Variants in MAP4K5 observed in about 807,000 individuals in gnomAD.
MAP4K5 encodes the protein MAPK/ERK kinase kinase kinase 5.
A neutral mutation model predicts 135.6 loss-of-function variants in MAP4K5; 82 were observed. The ratio of observed to expected loss-of-function variants is 0.60; its 90% CI spans 0.51 to 0.73. The LOEUF is 0.73. MAP4K5 is among the 30% of genes least tolerant of loss of function. The pLI, the probability that MAP4K5 is intolerant of heterozygous loss-of-function variation, is 0.00. For missense variants in MAP4K5, 907 were observed against 1,010.9 expected, an observed-to-expected ratio of 0.90 and a Z score of 1.39; for synonymous variants, 347 against 335.0, an observed-to-expected ratio of 1.04 and a Z score of -0.39.
chr14:50,523,379 G>A (rs1185606206), intron 2 of MAP4K5, among the ~76,000 whole-genome samples: 1 of 152,104 alleles, frequency 6.6e-6, no homozygotes, highest in Non-Finnish European at 1.5e-5. Flanking sequence ...AATAAGGCAT[G>A]GTGATGGCCA....
At position 50,511,852 on chromosome 14, in the gene MAP4K5, G is replaced by A. The variant is rs114192454; in HGVS notation, c.109-6995C>T. On this transcript the variant is annotated intron_variant, in intron 2 of 32. Coordinates refer to ENST00000682126, the MANE Select transcript of MAP4K5 (RefSeq NM_006575.6). ...ACATTCCGAAAAAGGCAAAACTACA[G>A]AGACAGTAAAAAGCAATGGTTGTCT... is the stretch of plus-strand genomic sequence containing the variant. 7.0e-3 allele frequency among the ~76,000 whole-genome samples: 1,062 copies of A among 152,222 alleles called. 23 individuals carry two copies. Among genetic ancestry groups the A allele is most frequent in the African/African-American group, 0.025 (1,034 of 41,542 alleles).
chr14:50,456,959 T>C (rs1395118957), intron 13 of MAP4K5, among the ~76,000 whole-genome samples: 1 of 152,206 alleles, frequency 6.6e-6, no homozygotes, highest in Non-Finnish European at 1.5e-5. Flanking sequence ...TGAAGGGGTA[T>C]AGTTCTTCAT....
At chr14:50,425,043 A>C (rs1008123245) in intron 31 of MAP4K5, among the ~76,000 whole-genome samples, 2 of 152,252 alleles carry the variant, frequency 1.3e-5, no homozygotes, top group Non-Finnish European at 2.9e-5. Flanking sequence ...AAGAGTGTGG[A>C]TAAAACTAAA....
intron 2 of MAP4K5, among the ~76,000 whole-genome samples, chr14:50,526,972 T>C (rs770594419): frequency 1.9e-4 from 29 of 151,882 alleles, no homozygotes; most frequent in Non-Finnish European, 3.5e-4. Context: ...AAAAAAAAAG[T>C]TTAAAAACTA....
At chr14:50,453,272 C>CAAAAAAA (rs750792572) in intron 14 of MAP4K5, among the ~76,000 whole-genome samples, 1 of 105,804 alleles carries the variant, frequency 9.5e-6, no homozygotes, top group African/African-American at 3.5e-5. Flanking sequence ...GATGACAAAC[C>CAAAAAAA]AAAAAAAAAA....
chr14:50,475,703 T>C lies in MAP4K5; in HGVS notation c.469+425A>G, dbSNP rs553151253. Among the ~76,000 whole-genome samples, 5 of 152,278 alleles carry C rather than the reference T, an allele frequency of 3.3e-5. No homozygotes were observed. The South Asian group carries it at 8.3e-4, about 25-fold the overall frequency. On this transcript the variant is annotated intron_variant, in intron 8 of 32. Coordinates refer to ENST00000682126, the MANE Select transcript of MAP4K5 (RefSeq NM_006575.6). The stretch of plus-strand genomic sequence containing the variant: ...GCCTGAATGACAGAGTGAGACCATC[T>C]CCTTCAAAACAAACAAAATAACACA...
rs866232978 is a variant in MAP4K5 at position 50,452,212 on chromosome 14, C to T, written c.1016-3380G>A. Among the ~76,000 whole-genome samples, 39 of 152,216 alleles carry T rather than the reference C, an allele frequency of 2.6e-4. No homozygotes were observed. The Middle Eastern group carries it at 0.01, about 40-fold the overall frequency. ...CTTAAATGGGTTTATTAGGATGTAA[C>T]CCCATCATAAATCGGGGAGCATCTG... is the stretch of plus-strand genomic sequence containing the variant. On this transcript the variant is annotated intron_variant, in intron 14 of 32. Transcript: ENST00000682126.
At chr14:50,546,130 CTG>C (rs1183870634) in intron 1 of MAP4K5, among the ~76,000 whole-genome samples, 1 of 151,692 alleles carries the variant, frequency 6.6e-6, no homozygotes, top group Non-Finnish European at 1.5e-5. Flanking sequence ...TCATTTGAAA[CTG>C]AAGAAAAAAA....
upstream of MAP4K5, among the ~76,000 whole-genome samples, chr14:50,535,973 C>T (rs888911656): frequency 5.3e-5 from 8 of 152,226 alleles, no homozygotes; most frequent in African/African-American, 1.7e-4. Flanking sequence ...TTCCCCTGCA[C>T]AAGCTCCCTC....
intron 2 of MAP4K5, among the ~76,000 whole-genome samples, chr14:50,540,457 A>G (rs1419597710): frequency 6.6e-6 from 1 of 152,160 alleles, no homozygotes; most frequent in Admixed American, 6.5e-5. Context: ...TCTTTGAGGG[A>G]GAGTCCCATA....
chr14:50,437,407 G>A (rs1405282335), intron 26 of MAP4K5, 69 bp downstream of exon 26: 70 of 1,211,636 alleles, frequency 5.8e-5, no homozygotes, highest in Non-Finnish European at 6.2e-5. Context: ...GATTCCATAC[G>A]ACTCTTCAGA....
chr14:50,455,995 C>A (rs1482134128), intron 14 of MAP4K5, among the ~76,000 whole-genome samples: 1 of 152,034 alleles, frequency 6.6e-6, no homozygotes, highest in Non-Finnish European at 1.5e-5. Flanking sequence ...TAGTGCTAAT[C>A]TGATTTTTAA....
In MAP4K5 at chr14:50,553,680, T is replaced by A. The variant is rs1389209713; in HGVS notation, c.-180+7360A>T. The stretch of plus-strand genomic sequence containing the variant: ...TGTTTGTAGCAGCACAATTCACAAT[T>A]ACAAAGATATGGAACCAAGCTAAAT... On this transcript the variant is annotated intron_variant, in intron 1 of 8. Coordinates refer to the MAP4K5 transcript ENST00000555216. Among the ~76,000 whole-genome samples, 3 of 152,202 alleles carry A rather than the reference T, an allele frequency of 2.0e-5. No homozygotes were observed. The East Asian group carries it at 5.8e-4, about 29-fold the overall frequency.
intron 20 of MAP4K5, 63 bp from the exon 21 acceptor site, chr14:50,442,879 A>G: frequency 1.1e-6 from 1 of 915,956 alleles, no homozygotes; most frequent in Non-Finnish European, 1.7e-6. Context: ...TTCTTGGAAA[A>G]TAACTAACAT....
Position 50,428,348 on chromosome 14 carries a change from C to T in MAP4K5, c.2326+314G>A, listed in dbSNP as rs536075546. On this transcript the variant is annotated intron_variant, in intron 30 of 32. Transcript: ENST00000682126. ...TCAGCTCACTGCAACCTCCGCCTCG[C>T]GGGTTCAAGCGATTCTCCTGCCTCA... is the stretch of plus-strand genomic sequence containing the variant. Among the ~76,000 whole-genome samples, 49 of 152,098 alleles carry T rather than the reference C, an allele frequency of 3.2e-4. 1 individual carries two copies. The highest frequency in any genetic ancestry group is 4.7e-4 in the Non-Finnish European group (32 of 67,998).
chr14:50,446,086 G>A lies in MAP4K5; in HGVS notation c.1178C>T (p.Pro393Leu). ...AATCATTAAGTAGCTCACCTTAGGA[G>A]GTAGGGGAGGTGGTATTGCACGTTT... ...TSKRAIPPPLPPKPRISSYPE... is the reference protein window; with the variant it reads ...TSKRAIPPPLLPKPRISSYPE... Residue 393 changes from proline to leucine, a missense_variant, in exon 17 of 33, where the codon CCT becomes CTT. Pro to Leu is a moderately conservative substitution (Grantham distance 98). Coordinates refer to ENST00000682126, the MANE Select transcript of MAP4K5 (RefSeq NM_006575.6). 1.3e-6 allele frequency: 2 copies of A among 1,565,954 alleles called. No individual in the cohort carries two copies. The highest frequency in any genetic ancestry group is 1.9e-5 in the Admixed American group (1 of 53,408).
chr14:50,515,955 T>G (rs1426920007), intron 2 of MAP4K5, among the ~76,000 whole-genome samples: 1 of 152,166 alleles, frequency 6.6e-6, no homozygotes, highest in Non-Finnish European at 1.5e-5. Context: ...ATTATCCCTC[T>G]CCCACAAACT....
At chr14:50,504,657 T>C in intron 3 of MAP4K5, 143 bp downstream of exon 3, 2 of 638,380 alleles carry the variant, frequency 3.1e-6, no homozygotes, top group Non-Finnish European at 5.3e-6. Flanking sequence ...AACTTACCTT[T>C]AACTAACCAC....
Position 50,532,101 on chromosome 14 carries a change from C to A in MAP4K5, c.-52G>T. ...GCTCACCCCGCGGCTCCCGGATTCC[C>A]GCTAACAAGCACGAACGGCGCCGCT... On this transcript the variant is annotated 5_prime_UTR_variant, in exon 2 of 33. Transcript: ENST00000682126. The A allele has an allele frequency of 2.6e-6, 3 of 1,167,272 alleles. No homozygotes were observed. Among genetic ancestry groups the A allele is most frequent in the South Asian group, 2.7e-5 (2 of 74,482 alleles). 72.3% of individuals were successfully genotyped at this position (1,167,272 alleles called of 1,614,324 possible).
Sources: allele counts gnomAD v4.1 joint callset (sites outside exome capture counted in the v4.1 genomes callset), GRCh38; gene constraint gnomAD v4.1.1; transcripts MANE v1.5; gene names NCBI Gene and HGNC (gene_info 2026-07-23, HGNC 2026-07-21).